The following PRKCE variants were observed in gnomAD, a reference collection of about 807,000 sequenced individuals.
The protein encoded by PRKCE is protein kinase C epsilon type.
In PRKCE, 16 loss-of-function variants were observed where a neutral mutation model predicts 85.4. That is an observed-to-expected ratio of 0.19 (90% CI 0.13 to 0.28). The LOEUF (loss-of-function observed/expected upper bound fraction) is 0.28. Among genes scored for constraint, PRKCE ranks in the 10% least tolerant of loss-of-function variants. The pLI, the probability that PRKCE is intolerant of heterozygous loss-of-function variation, is 1.00. For missense variants in PRKCE, 573 were observed against 975.2 expected (o/e 0.59, Z 5.49); for synonymous variants, 388 against 371.5 (o/e 1.04, Z -0.51).
Position 45,843,928 on chromosome 2 carries a change from C to A in PRKCE, c.412+865C>A, listed in dbSNP as rs537929072. On this transcript the variant is annotated intron_variant, in intron 2 of 14. Transcript: ENST00000306156. ...GTTCCTCTTGGCAGTGAGAAACAAA[C>A]AGTGTTTGGGGACTGTGTCCCAAAA... 1.2e-4 allele frequency among the ~76,000 whole-genome samples: 18 copies of A among 152,314 alleles called. No individual in the cohort carries two copies. In the East Asian group the frequency reaches 3.5e-3, roughly 29 times the overall value.
At chr2:45,889,089 T>C (rs186127709) in intron 2 of PRKCE, among the ~76,000 whole-genome samples, 2 of 152,334 alleles carry the variant, frequency 1.3e-5, no homozygotes, top group East Asian at 1.9e-4. Flanking sequence ...TGCTCTGTTA[T>C]AGAAGCAGAT....
At chr2:45,696,381 A>G (rs1678152608) in intron 1 of PRKCE, among the ~76,000 whole-genome samples, 1 of 152,200 alleles carries the variant, frequency 6.6e-6, no homozygotes, top group Non-Finnish European at 1.5e-5. Context: ...TTATATTGCC[A>G]GGGCCCCAAA....
chr2:45,951,098 A>C (rs1174127537), intron 2 of PRKCE, among the ~76,000 whole-genome samples: 1 of 152,192 alleles, frequency 6.6e-6, no homozygotes, highest in African/African-American at 2.4e-5. Flanking sequence ...GCCAGTGTTC[A>C]AACACTATCG....
intron 10 of PRKCE, among the ~76,000 whole-genome samples, chr2:46,037,162 C>T (rs1391959454): frequency 1.3e-5 from 2 of 152,234 alleles, no homozygotes; most frequent in Non-Finnish European, 2.9e-5. Flanking sequence ...AGACACCCTC[C>T]CCAGACATAA....
intron 2 of PRKCE, among the ~76,000 whole-genome samples, chr2:45,939,383 C>T (rs1699714562): frequency 6.6e-6 from 1 of 152,160 alleles, no homozygotes; most frequent in Non-Finnish European, 1.5e-5. Context: ...GGCCTTGGAG[C>T]TGCCCTTCCT....
At chr2:45,992,693 C>T (rs1237680284) in intron 6 of PRKCE, among the ~76,000 whole-genome samples, 4 of 152,216 alleles carry the variant, frequency 2.6e-5, no homozygotes, top group African/African-American at 9.6e-5. Context: ...GTGGCTCTGT[C>T]ACCATTCCCA....
At chr2:45,776,839 C>G (rs547322729) in intron 1 of PRKCE, among the ~76,000 whole-genome samples, 12 of 152,324 alleles carry the variant, frequency 7.9e-5, no homozygotes, top group Middle Eastern at 3.4e-3. Context: ...CTAGAACTCT[C>G]CAAGCAAACT....
chr2:45,677,514 G>A (rs1204281208), intron 1 of PRKCE, among the ~76,000 whole-genome samples: 2 of 151,944 alleles, frequency 1.3e-5, no homozygotes, highest in African/African-American at 2.4e-5. Context: ...CCGCCACCGC[G>A]CCCGGCTAAT....
chr2:45,702,811 C>G (rs543708901), intron 1 of PRKCE, among the ~76,000 whole-genome samples: 27 of 152,088 alleles, frequency 1.8e-4, no homozygotes, highest in Non-Finnish European at 3.1e-4. Context: ...TTCACTGTTC[C>G]TCAGACATAC....
chr2:45,946,353 T>C (rs575425200), intron 2 of PRKCE, among the ~76,000 whole-genome samples: 1 of 152,350 alleles, frequency 6.6e-6, no homozygotes, highest in East Asian at 1.9e-4. Context: ...CCATTTAAAA[T>C]TTATGATACG....
Position 46,185,604 on chromosome 2 carries a change from T to A in PRKCE, c.*723T>A, listed in dbSNP as rs977731653. The stretch of plus-strand genomic sequence containing the variant: ...GAAAAATATATTTTCAAATTCACTT[T>A]CTAATTGGCCAAAAGAGATGAGTTC... On this transcript the variant is annotated 3_prime_UTR_variant, in exon 15 of 15. Transcript: ENST00000306156. The surrounding 1 kb of genome is among the most constrained non-coding windows in gnomAD (Gnocchi z 4.7). 1.3e-5 allele frequency: 2 copies of A among 152,682 alleles called. No individual in the cohort carries two copies. The highest frequency in any genetic ancestry group is 1.3e-4 in the Admixed American group (2 of 15,290). 9.5% of individuals were successfully genotyped at this position (152,682 alleles called of 1,614,324 possible).
intron 14 of PRKCE, among the ~76,000 whole-genome samples, chr2:46,163,663 A>G (rs187263255): frequency 0.013 from 1,497 of 111,730 alleles, 31 homozygotes; most frequent in East Asian, 0.031. Flanking sequence ...AAGCTGAGGC[A>G]CACCCCACAG....
At chr2:46,078,955 G>C (rs1368042823) in intron 10 of PRKCE, 2 of 152,214 alleles carry the variant, frequency 1.3e-5, no homozygotes, top group African/African-American at 4.8e-5. Flanking sequence ...GAAGCAAGTG[G>C]ATCACGAGGT....
chr2:45,700,949 GACCCTCCTTTAGATGC>G (rs1015422621), intron 1 of PRKCE, among the ~76,000 whole-genome samples: 12 of 152,176 alleles, frequency 7.9e-5, no homozygotes, highest in African/African-American at 2.9e-4. Flanking sequence ...AGCAAGGAAG[GACCCTCCTTTAGATGC>G]CTTGGAGGGA....
intron 1 of PRKCE, among the ~76,000 whole-genome samples, chr2:45,661,695 AT>A (rs11406617): frequency 0.13 from 17,540 of 130,494 alleles, 1,223 homozygotes; most frequent in East Asian, 0.23. Context: ...CGCCCAGCTA[AT>A]TTTTTTTTTT....
chr2:46,153,016 C>A (rs111792056), intron 13 of PRKCE, among the ~76,000 whole-genome samples: 1 of 151,976 alleles, frequency 6.6e-6, no homozygotes, highest in Non-Finnish European at 1.5e-5. Flanking sequence ...TCCTTCTCTC[C>A]CCTCTGCCCT....
chr2:45,840,732 C>G (rs1470140949), intron 1 of PRKCE, among the ~76,000 whole-genome samples: 1 of 152,150 alleles, frequency 6.6e-6, no homozygotes, highest in Non-Finnish European at 1.5e-5. Context: ...CCATTAGAGG[C>G]TGAGTCAGGC....
chr2:46,137,576 C>A (rs1430741733), intron 11 of PRKCE, among the ~76,000 whole-genome samples: 3 of 150,192 alleles, frequency 2.0e-5, no homozygotes, highest in Non-Finnish European at 3.0e-5. Flanking sequence ...CATGGTGAAA[C>A]CCTGTCTCTA....
At chr2:45,832,708 C>T (rs1690534955) in intron 1 of PRKCE, among the ~76,000 whole-genome samples, 1 of 152,164 alleles carries the variant, frequency 6.6e-6, no homozygotes, top group Admixed American at 6.5e-5. Context: ...GTCTGTGGGG[C>T]AGCCTGCCAG....
Sources: gnomAD v4.1 joint callset for allele counts (sites outside exome capture counted in the v4.1 genomes callset) on GRCh38, gnomAD v4.1.1 for gene constraint, Gnocchi (gnomAD v3.1) non-coding constraint, MANE v1.5 for transcripts, NCBI Gene and HGNC (gene_info 2026-07-23, HGNC 2026-07-21) for gene names.